The following ZMAT4 variants were observed in gnomAD, a reference collection of about 807,000 sequenced individuals.
ZMAT4 encodes zinc finger matrin-type protein 4.
ZMAT4 carries 17 observed loss-of-function variants against 28.7 expected under a neutral mutation model. The observed-to-expected ratio is 0.59, with a 90% CI of 0.41 to 0.89. The LOEUF is 0.89. ZMAT4 is among the 40% of genes least tolerant of loss of function. ZMAT4 has a pLI of 0.00. For synonymous variants in ZMAT4, 117 were observed against 109.2 expected, an observed-to-expected ratio of 1.07 and a Z score of -0.44; for missense variants, 240 against 283.8, an observed-to-expected ratio of 0.85 and a Z score of 1.11.
intron 1 of ZMAT4, among the ~76,000 whole-genome samples, chr8:40,881,610 A>G (rs1818275570): frequency 1.4e-5 from 2 of 138,620 alleles, no homozygotes; most frequent in Non-Finnish European, 3.2e-5. Flanking sequence ...AAAGAAAAGA[A>G]AAGAGAGAGA....
intron 5 of ZMAT4, among the ~76,000 whole-genome samples, chr8:40,604,673 G>A (rs570088849): frequency 1.1e-4 from 16 of 152,160 alleles, no homozygotes; most frequent in East Asian, 1.9e-4. Flanking sequence ...ATATTAATCC[G>A]TAGTTTTTGT....
intron 3 of ZMAT4, among the ~76,000 whole-genome samples, chr8:40,735,932 G>A (rs1811743936): frequency 1.3e-5 from 2 of 152,140 alleles, no homozygotes; most frequent in Non-Finnish European, 2.9e-5. Context: ...ATTGGTAGCT[G>A]AGATGAAGCT....
chr8:40,710,789 CT>C (rs35923770), intron 3 of ZMAT4, among the ~76,000 whole-genome samples: 2 of 149,024 alleles, frequency 1.3e-5, no homozygotes, highest in East Asian at 2.0e-4. Flanking sequence ...CAAGACTTTT[CT>C]TTTTTTTTTG....
intron 3 of ZMAT4, among the ~76,000 whole-genome samples, chr8:40,752,671 A>C (rs952970732): frequency 3.3e-5 from 5 of 152,170 alleles, no homozygotes; most frequent in African/African-American, 9.6e-5. Flanking sequence ...TATCCCATTC[A>C]TCTATTTTTA....
At chr8:40,563,925 C>T (rs1803830925) in intron 6 of ZMAT4, among the ~76,000 whole-genome samples, 2 of 152,092 alleles carry the variant, frequency 1.3e-5, no homozygotes, top group Non-Finnish European at 2.9e-5. Context: ...CTCCCCATGG[C>T]AGGTCTCCTA....
chr8:40,654,389 T>G (rs571068280), intron 5 of ZMAT4, among the ~76,000 whole-genome samples: 3 of 152,276 alleles, frequency 2.0e-5, no homozygotes, highest in Admixed American at 1.3e-4. Context: ...AAGCATCACA[T>G]ACATAAAGCT....
chr8:40,589,991 T>TCCTTCCTTCCTC (rs1284439080), intron 5 of ZMAT4, among the ~76,000 whole-genome samples: 1 of 108,290 alleles, frequency 9.2e-6, no homozygotes, highest in Non-Finnish European at 1.9e-5. Flanking sequence ...CTTCCTTCCT[T>TCCTTCCTTCCTC]CCTTCCTTCC....
At chr8:40,653,487 A>T (rs1807778291) in intron 5 of ZMAT4, among the ~76,000 whole-genome samples, 1 of 152,154 alleles carries the variant, frequency 6.6e-6, no homozygotes, top group Non-Finnish European at 1.5e-5. Flanking sequence ...ATTTGAAAAG[A>T]TCAACAAAAC....
chr8:40,856,011 TG>T (rs1817284559), intron 1 of ZMAT4, among the ~76,000 whole-genome samples: 1 of 151,840 alleles, frequency 6.6e-6, no homozygotes, highest in African/African-American at 2.4e-5. Context: ...CTTTTTAAAG[TG>T]GGATCCAATT....
chr8:40,597,394 A>C (rs1563357530), intron 5 of ZMAT4, among the ~76,000 whole-genome samples: 1 of 152,184 alleles, frequency 6.6e-6, no homozygotes, highest in Non-Finnish European at 1.5e-5. Context: ...GGCCACTTGC[A>C]ATAACTCAGA....
At chr8:40,730,859 G>A (rs1170305309) in intron 3 of ZMAT4, among the ~76,000 whole-genome samples, 2 of 152,162 alleles carry the variant, frequency 1.3e-5, no homozygotes, top group Non-Finnish European at 2.9e-5. Context: ...GAACTCTGGA[G>A]TCCATTGAAG....
chr8:40,804,568 C>T (rs572363118), intron 2 of ZMAT4, among the ~76,000 whole-genome samples: 30 of 152,024 alleles, frequency 2.0e-4, no homozygotes, highest in Non-Finnish European at 4.3e-4. Context: ...AGGCCAGGAG[C>T]GGTGGCTTAC....
In ZMAT4 at chr8:40,674,725, G is replaced by C. The variant is rs142947345; in HGVS notation, c.556C>G (p.Leu186Val). ...TTACCTCTCAGTTCCCCCATATCCA[G>C]GGTTGTCCCCAGTTGTTCTAACAAA... is the stretch of plus-strand genomic sequence containing the variant. ...VALLEQLGTT[L>V]DMGELRGLRR... The change falls in exon 5 of 7, where the codon CTG becomes GTG. Residue 186 changes from leucine (L) to valine (V), a missense_variant. Leu to Val is a conservative substitution (Grantham distance 32). Coordinates refer to ENST00000297737, the MANE Select transcript of ZMAT4 (RefSeq NM_024645.3). The C allele has an allele frequency of 1.2e-6, 2 of 1,613,728 alleles. No homozygotes were observed. The highest frequency in any genetic ancestry group is 2.7e-5 in the African/African-American group (2 of 74,882).
chr8:40,600,266 C>T (rs1805254118), intron 5 of ZMAT4, among the ~76,000 whole-genome samples: 1 of 152,190 alleles, frequency 6.6e-6, no homozygotes, highest in Admixed American at 6.5e-5. Context: ...TGCAACTTCT[C>T]CAACACCCAT....
Position 40,885,369 on chromosome 8 carries a change from C to A in ZMAT4, c.-5+12314G>T, listed in dbSNP as rs544181323. On this transcript the variant is annotated intron_variant, in intron 1 of 6. Transcript: ENST00000297737. The stretch of plus-strand genomic sequence containing the variant: ...AGTACATCCAGGATCTGCCCTCTCC[C>A]TCTCCCTCCCCGCTGTTACCATCCG... Among the ~76,000 whole-genome samples, 3 of 152,258 alleles carry A rather than the reference C, an allele frequency of 2.0e-5. No individual in the cohort carries two copies. In the East Asian group the frequency reaches 5.8e-4, roughly 29 times the overall value.
chr8:40,632,215 G>T (rs570651448), intron 5 of ZMAT4, among the ~76,000 whole-genome samples: 78 of 152,282 alleles, frequency 5.1e-4, no homozygotes, highest in Middle Eastern at 3.4e-3. Context: ...TAGATGCAAG[G>T]ATTTCCATAA....
chr8:40,694,096 C>A (rs57496181), intron 4 of ZMAT4, among the ~76,000 whole-genome samples: 1,677 of 152,140 alleles, frequency 0.011, 23 homozygotes, highest in African/African-American at 0.031. Flanking sequence ...ATTATAGAAG[C>A]AATTTCAAGC....
In ZMAT4 at chr8:40,724,066, T is replaced by C. The variant is rs73611496; in HGVS notation, c.193-26665A>G. Among the ~76,000 whole-genome samples the C allele has an allele frequency of 9.3e-3, 1,415 of 152,300 alleles. 22 individuals carry two copies. The highest frequency in any genetic ancestry group is 0.032 in the African/African-American group (1,315 of 41,566). On this transcript the variant is annotated intron_variant, in intron 3 of 6. Transcript: ENST00000297737. The stretch of plus-strand genomic sequence containing the variant: ...GCTTAGTTTATGTGAGGTTTTTTTT[T>C]TCTTTTCTTGTCCTTTGGGCTTGTT...
intron 5 of ZMAT4, among the ~76,000 whole-genome samples, chr8:40,657,033 T>G (rs370322812): frequency 6.6e-6 from 1 of 152,160 alleles, no homozygotes; most frequent in East Asian, 1.9e-4. Context: ...TTATTTATTA[T>G]TTATTTACTT....
Sources: gnomAD v4.1 joint callset for allele counts (sites outside exome capture counted in the v4.1 genomes callset) on GRCh38, gnomAD v4.1.1 for gene constraint, MANE v1.5 for transcripts, NCBI Gene and HGNC (gene_info 2026-07-23, HGNC 2026-07-21) for gene names.